The following GDAP1L1 variants were observed in gnomAD, a reference collection of about 807,000 sequenced individuals.
GDAP1L1 encodes ganglioside induced differentiation associated protein 1 like 1, also known as ganglioside-induced differentiation-associated protein 1-like 1.
In GDAP1L1, 21 loss-of-function variants were observed where a neutral mutation model predicts 37.1. The observed-to-expected ratio is 0.57, with a 90% confidence interval of 0.40 to 0.81. The LOEUF (loss-of-function observed/expected upper bound fraction) is 0.81, where lower values mean the gene tolerates loss of function less well. Among genes scored for constraint, GDAP1L1 ranks in the 40% least tolerant of loss-of-function variants. GDAP1L1 has a pLI of 0.00. For synonymous variants in GDAP1L1, 193 were observed against 209.1 expected, an observed-to-expected ratio of 0.92 and a Z score of 0.67; for missense variants, 362 against 491.6, an observed-to-expected ratio of 0.74 and a Z score of 2.49.
intron 5 of GDAP1L1, among the ~76,000 whole-genome samples, chr20:44,268,831 G>C (rs368581818): frequency 6.6e-6 from 1 of 152,192 alleles, no homozygotes; most frequent in Non-Finnish European, 1.5e-5. Context: ...GTGAGATCAC[G>C]GGCCTCAGAG....
chr20:44,247,275 G>A, upstream of GDAP1L1: 1 of 1,557,152 alleles, frequency 6.4e-7, no homozygotes, highest in South Asian at 1.1e-5. Context: ...TGTGATGCTG[G>A]GCGAGAGAGA....
intron 5 of GDAP1L1, among the ~76,000 whole-genome samples, chr20:44,266,467 G>A (rs748523321): frequency 6.6e-6 from 1 of 152,172 alleles, no homozygotes; most frequent in Non-Finnish European, 1.5e-5. Context: ...CATGCTCTCG[G>A]TGGGTGACCT....
Position 44,247,407 on chromosome 20 carries a change from G to A in GDAP1L1, c.73G>A (p.Ala25Thr), listed in dbSNP as rs867982565. The change falls in exon 1 of 6, where the codon GCC (alanine) becomes ACC (threonine). Residue 25 changes from alanine to threonine, a missense_variant. Ala to Thr is a moderately conservative substitution (Grantham distance 58). Transcript: ENST00000342560. ...WPISALESDA[A>T]KPAEAPDAPE... ...CATCTCCGCGCTGGAGAGCGATGCG[G>A]CCAAGCCAGCGGAGGCCCCCGACGC... 1 of 1,611,990 alleles carries A rather than the reference G, an allele frequency of 6.2e-7. No homozygotes were observed. The highest frequency in any genetic ancestry group is 8.5e-7 in the Non-Finnish European group (1 of 1,179,512).
intron 5 of GDAP1L1, among the ~76,000 whole-genome samples, chr20:44,276,583 T>C (rs2062585059): frequency 6.6e-6 from 1 of 152,248 alleles, no homozygotes; most frequent in Non-Finnish European, 1.5e-5. Flanking sequence ...GCATTTGTTT[T>C]GTTTTTGTTA....
In GDAP1L1 at chr20:44,257,254, G is replaced by T; in HGVS notation, c.282G>T (p.Leu94=). 6.2e-7 allele frequency: 1 copy of T among 1,613,774 alleles called. No individual in the cohort carries two copies. Among genetic ancestry groups the T allele is most frequent in the Non-Finnish European group, 8.5e-7 (1 of 1,179,888 alleles). Residue 94 remains leucine, a synonymous_variant, in exon 2 of 6, where the codon CTG becomes CTT. Coordinates refer to ENST00000342560, the MANE Select transcript of GDAP1L1 (RefSeq NM_024034.6). ...HKEPWFMRLN[L]GEEVPVIIHR... ...AGCCCTGGTTCATGCGGCTCAACCT[G>T]GGCGAGGAGGTGCCCGTCATCATCC...
Position 44,257,171 on chromosome 20 carries a change from G to A in GDAP1L1, c.199G>A (p.Glu67Lys), listed in dbSNP as rs1000998948. ...SSQKVRLVIAEKGLVCEERDV... is the reference protein window; with the variant it reads ...SSQKVRLVIAKKGLVCEERDV... ...CCTGCAGGTGCGGCTGGTGATCGCCGAGAAGGGCCTGGTGTGCGAGGAGCG... is the reference window on the plus strand; with the variant it reads ...CCTGCAGGTGCGGCTGGTGATCGCCAAGAAGGGCCTGGTGTGCGAGGAGCG... The change falls in exon 2 of 6, where the codon GAG becomes AAG. Residue 67 changes from glutamate (E) to lysine (K), a missense_variant. Around this residue, in one of 2 missense-constraint regions of GDAP1L1, gnomAD observed 277 missense variants for 337.1 expected, o/e 0.82. Coordinates refer to ENST00000342560, the MANE Select transcript of GDAP1L1 (RefSeq NM_024034.6). 3 of 1,598,184 alleles carry A rather than the reference G, an allele frequency of 1.9e-6. No homozygotes were observed. The highest frequency in any genetic ancestry group is 2.3e-5 in the East Asian group (1 of 44,106).
In GDAP1L1 at chr20:44,258,621, C is replaced by T. The variant is rs747336323; in HGVS notation, c.547+14C>T. ...CCGAGATCCGCAGTGAGTGCCAGGG[C>T]GGCGAGACAGCCCCTCTGCTTTCCC... On this transcript the variant is annotated intron_variant, in intron 3 of 5. Coordinates refer to ENST00000342560, the MANE Select transcript of GDAP1L1 (RefSeq NM_024034.6). The T allele has an allele frequency of 1.5e-5, 24 of 1,578,192 alleles. 1 individual carries two copies. Among genetic ancestry groups the T allele is most frequent in the East Asian group, 4.6e-5 (2 of 43,606 alleles).
At chr20:44,274,317 C>A (rs2062550860) in intron 5 of GDAP1L1, among the ~76,000 whole-genome samples, 1 of 152,174 alleles carries the variant, frequency 6.6e-6, no homozygotes, top group African/African-American at 2.4e-5. Context: ...TTTATTCCTC[C>A]CAACTTATGA....
intron 5 of GDAP1L1, among the ~76,000 whole-genome samples, chr20:44,267,756 T>C (rs905228246): frequency 6.6e-6 from 1 of 152,166 alleles, no homozygotes; most frequent in Non-Finnish European, 1.5e-5. Context: ...TACATTGTGA[T>C]CCAGAGAGAC....
intron 5 of GDAP1L1, among the ~76,000 whole-genome samples, chr20:44,269,251 A>T (rs973878431): frequency 6.6e-6 from 1 of 152,114 alleles, no homozygotes; most frequent in Non-Finnish European, 1.5e-5. Flanking sequence ...CAAAATCCAG[A>T]TGTCATTCTT....
intron 1 of GDAP1L1, among the ~76,000 whole-genome samples, chr20:44,253,366 G>T (rs1160860060): frequency 6.6e-6 from 1 of 152,152 alleles, no homozygotes; most frequent in Non-Finnish European, 1.5e-5. Context: ...ATTTGATTCT[G>T]TAAATCTAAA....
chr20:44,260,023 T>C (rs1329808231), intron 3 of GDAP1L1, among the ~76,000 whole-genome samples: 1 of 152,100 alleles, frequency 6.6e-6, no homozygotes, highest in African/African-American at 2.4e-5. Flanking sequence ...ATGTCAAACA[T>C]GAGAAAGCCC....
chr20:44,247,851 G>A (rs2073362987), intron 1 of GDAP1L1, among the ~76,000 whole-genome samples: 1 of 152,136 alleles, frequency 6.6e-6, no homozygotes, highest in African/African-American at 2.4e-5. Flanking sequence ...CTGCTGGGAA[G>A]GCGGCTTGGT....
chr20:44,248,378 T>G (rs1374071857), intron 1 of GDAP1L1, among the ~76,000 whole-genome samples: 1 of 152,282 alleles, frequency 6.6e-6, no homozygotes. Flanking sequence ...AGGCAGGTCC[T>G]GCAGGGGCCT....
In GDAP1L1 at chr20:44,279,383, C is replaced by A; in HGVS notation, c.*83C>A. The A allele has an allele frequency of 1.1e-6, 1 of 888,788 alleles. No individual in the cohort carries two copies. The highest frequency in any genetic ancestry group is 1.9e-6 in the Non-Finnish European group (1 of 538,806). 55.1% of individuals were successfully genotyped at this position (888,788 alleles called of 1,614,324 possible). ...GTGAGCTCTCAGTAACTCACTGTCTCATGAACACTTGGACAGCCCTCCCCG... is the reference window on the plus strand; with the variant it reads ...GTGAGCTCTCAGTAACTCACTGTCTAATGAACACTTGGACAGCCCTCCCCG... On this transcript the variant is annotated 3_prime_UTR_variant, in exon 6 of 6. Transcript: ENST00000342560.
chr20:44,266,264 C>A (rs780582839), intron 5 of GDAP1L1, among the ~76,000 whole-genome samples: 1 of 151,916 alleles, frequency 6.6e-6, no homozygotes, highest in East Asian at 1.9e-4. Flanking sequence ...ACTCAGATTG[C>A]GCCACTGCAC....
chr20:44,272,093 C>T (rs1194074190), intron 5 of GDAP1L1, among the ~76,000 whole-genome samples: 2 of 152,178 alleles, frequency 1.3e-5, no homozygotes, highest in Non-Finnish European at 2.9e-5. Context: ...CCTAACTTTC[C>T]GAAGCCAGAG....
At chr20:44,265,869 C>T (rs1433426598) in intron 5 of GDAP1L1, among the ~76,000 whole-genome samples, 2 of 152,152 alleles carry the variant, frequency 1.3e-5, no homozygotes, top group African/African-American at 4.8e-5. Context: ...GTGTTGTTTC[C>T]AGCATCTCAC....
chr20:44,279,191 G>A lies in GDAP1L1; in HGVS notation c.995G>A (p.Arg332Gln), dbSNP rs565073664. The A allele has an allele frequency of 3.0e-5, 48 of 1,614,080 alleles. No individual in the cohort carries two copies. In the East Asian group the frequency reaches 6.5e-4, roughly 22 times the overall value. The stretch of plus-strand genomic sequence containing the variant: ...TCGGCCGTCATCCCCAATGCTTTCC[G>A]GCTGGTCAAGAGGAAACCCCCATCC... ...LLSAVIPNAF[R>Q]LVKRKPPSFF... The change falls in exon 6 of 6, where the codon CGG becomes CAG. Residue 332 changes from arginine (R) to glutamine (Q), a missense_variant. Arg to Gln is a conservative substitution (Grantham distance 43). Coordinates refer to ENST00000342560, the MANE Select transcript of GDAP1L1 (RefSeq NM_024034.6).
Sources: gnomAD v4.1 joint callset for allele counts (sites outside exome capture counted in the v4.1 genomes callset) on GRCh38, gnomAD v4.1.1 for gene constraint, gnomAD v4.1.1 regional missense constraint, MANE v1.5 for transcripts, NCBI Gene and HGNC (gene_info 2026-07-23, HGNC 2026-07-21) for gene names.